Variants in RHOBTB1 observed in about 807,000 individuals in gnomAD.
The protein encoded by RHOBTB1 is Rho related BTB domain containing 1.
In RHOBTB1, 40 loss-of-function variants were observed where a neutral mutation model predicts 71.6. The observed-to-expected ratio is 0.56, with a 90% CI of 0.43 to 0.73. The LOEUF (loss-of-function observed/expected upper bound fraction) is 0.73, where lower values mean the gene tolerates loss of function less well. Among genes scored for constraint, RHOBTB1 ranks in the 30% least tolerant of loss-of-function variants. RHOBTB1 has a pLI of 0.00. For synonymous variants in RHOBTB1, 319 were observed against 334.9 expected (o/e 0.95, Z 0.52); for missense variants, 797 against 894.0 (o/e 0.89, Z 1.38).
At chr10:60,955,814 T>C (rs1335071713) in intron 2 of RHOBTB1, among the ~76,000 whole-genome samples, 1 of 152,148 alleles carries the variant, frequency 6.6e-6, no homozygotes, top group Non-Finnish European at 1.5e-5. Context: ...AACCAACATA[T>C]CACTATCTTG....
intron 2 of RHOBTB1, among the ~76,000 whole-genome samples, chr10:60,930,902 T>C (rs1278762803): frequency 6.6e-6 from 1 of 152,120 alleles, no homozygotes; most frequent in African/African-American, 2.4e-5. Context: ...CGAATCTTTC[T>C]TGGGACCTGC....
At chr10:60,872,747 A>G (rs2080860046) in intron 9 of RHOBTB1, among the ~76,000 whole-genome samples, 3 of 152,158 alleles carry the variant, frequency 2.0e-5, no homozygotes, top group Non-Finnish European at 4.4e-5. Context: ...AGAATGTGTG[A>G]CTGTCCTATA....
intron 8 of RHOBTB1, chr10:60,877,194 T>C (rs2081089422): frequency 6.6e-6 from 1 of 152,246 alleles, no homozygotes; most frequent in Non-Finnish European, 1.5e-5. Flanking sequence ...CTAGAAATGA[T>C]ACATAAGATT....
At chr10:60,892,252 C>T (rs2081958375) in intron 5 of RHOBTB1, among the ~76,000 whole-genome samples, 1 of 152,088 alleles carries the variant, frequency 6.6e-6, no homozygotes, top group Non-Finnish European at 1.5e-5. Context: ...AAAAATGTAA[C>T]CACTAGAGAC....
intron 1 of RHOBTB1, among the ~76,000 whole-genome samples, chr10:61,000,158 T>TGAC (rs1298768001): frequency 6.6e-6 from 1 of 152,196 alleles, no homozygotes; most frequent in African/African-American, 2.4e-5. Flanking sequence ...CGAGTGCATC[T>TGAC]GACAGGTGGT....
chr10:60,919,119 C>A (rs975653456), intron 2 of RHOBTB1, among the ~76,000 whole-genome samples: 1 of 152,134 alleles, frequency 6.6e-6, no homozygotes, highest in East Asian at 1.9e-4. Flanking sequence ...CATGGAGGGA[C>A]CTTTGTAGTC....
chr10:60,930,906 G>A (rs543446638), intron 2 of RHOBTB1, among the ~76,000 whole-genome samples: 2 of 152,094 alleles, frequency 1.3e-5, no homozygotes, highest in South Asian at 4.1e-4. Flanking sequence ...TCTTTCTTGG[G>A]ACCTGCCCTT....
intron 2 of RHOBTB1, among the ~76,000 whole-genome samples, chr10:60,940,001 T>C (rs2084812099): frequency 6.6e-6 from 1 of 152,192 alleles, no homozygotes; most frequent in South Asian, 2.1e-4. Flanking sequence ...TTATATACCA[T>C]TATCACAACT....
chr10:60,957,187 C>G, intron 2 of RHOBTB1, among the ~76,000 whole-genome samples: 1 of 152,160 alleles, frequency 6.6e-6, no homozygotes, highest in East Asian at 1.9e-4. Context: ...GGAGTACGTT[C>G]TAAAATAATG....
chr10:60,929,007 A>G (rs1330302021), intron 2 of RHOBTB1, among the ~76,000 whole-genome samples: 5 of 152,176 alleles, frequency 3.3e-5, no homozygotes, highest in African/African-American at 9.6e-5. Context: ...ATGTCTTCAC[A>G]TGGCAGCAGG....
At chr10:60,985,983 T>C (rs899240147) in intron 1 of RHOBTB1, 2 of 152,196 alleles carry the variant, frequency 1.3e-5, no homozygotes, top group African/African-American at 4.8e-5. Context: ...AATGTTTCAC[T>C]ATCAAGAAGA....
rs141397467 is a variant in RHOBTB1 at position 60,923,426 on chromosome 10, T to A, written c.-10-11874A>T. ...ACAAATGAAATATAAGGTCACCAAA[T>A]TGAAAGCCGTGCTGGCAACAGTACA... On this transcript the variant is annotated intron_variant, in intron 2 of 10. Coordinates refer to ENST00000337910, the MANE Select transcript of RHOBTB1 (RefSeq NM_014836.5). 2.7e-3 allele frequency among the ~76,000 whole-genome samples: 411 copies of A among 152,314 alleles called. 2 individuals carry two copies. Among genetic ancestry groups the A allele is most frequent in the African/African-American group, 9.4e-3 (390 of 41,572 alleles).
intron 4 of RHOBTB1, among the ~76,000 whole-genome samples, chr10:60,894,587 T>C (rs2082073941): frequency 6.6e-6 from 1 of 152,186 alleles, no homozygotes. Context: ...TTTTACATTT[T>C]TTATGGGCTG....
At chr10:60,990,847 T>C (rs1589473183) in intron 1 of RHOBTB1, among the ~76,000 whole-genome samples, 2 of 152,238 alleles carry the variant, frequency 1.3e-5, no homozygotes, top group Admixed American at 6.5e-5. Flanking sequence ...CAGAAGTTTA[T>C]ATCTCTGACA....
At chr10:60,869,052 T>C (rs1206268034), downstream of RHOBTB1, among the ~76,000 whole-genome samples, 2 of 152,230 alleles carry the variant, frequency 1.3e-5, no homozygotes, top group East Asian at 3.8e-4. Flanking sequence ...TTCTCAGACC[T>C]GCTTTGCAGG....
intron 2 of RHOBTB1, among the ~76,000 whole-genome samples, chr10:60,967,367 A>T (rs1268059618): frequency 7.1e-6 from 1 of 140,752 alleles, no homozygotes; most frequent in Non-Finnish European, 1.5e-5. Flanking sequence ...GTCTTGGCTC[A>T]CCGCAATCTC....
At chr10:60,864,544 A>C (rs2080628958), downstream of RHOBTB1, among the ~76,000 whole-genome samples, 7 of 152,346 alleles carry the variant, frequency 4.6e-5, no homozygotes, top group South Asian at 1.5e-3. Flanking sequence ...ATATAAGCAA[A>C]AAAAGAGCAA....
chr10:60,862,510 T>C, the RHOBTB1 span, among the ~76,000 whole-genome samples: 2 of 151,906 alleles, frequency 1.3e-5, no homozygotes, highest in African/African-American at 4.8e-5. Context: ...TTAGAAAGAA[T>C]ACGCTGTCTC....
chr10:60,955,043 CTT>C (rs34012455), intron 2 of RHOBTB1, among the ~76,000 whole-genome samples: 13 of 112,810 alleles, frequency 1.2e-4, no homozygotes, highest in African/African-American at 2.3e-4. Context: ...TTCTTTCTTT[CTT>C]TTTTTTTTTT....
Sources: gnomAD v4.1 joint callset for allele counts (sites outside exome capture counted in the v4.1 genomes callset) on GRCh38, gnomAD v4.1.1 for gene constraint, MANE v1.5 for transcripts, NCBI Gene and HGNC (gene_info 2026-07-23, HGNC 2026-07-21) for gene names.